GLMN: variants seen among roughly 807,000 people sequenced by gnomAD.
GLMN encodes the protein glomulin, FKBP associated protein, also known as glomulin.
In GLMN, 75 loss-of-function variants were observed where a neutral mutation model predicts 87.8. That is an observed-to-expected ratio of 0.85 (90% CI 0.71 to 1.04). The LOEUF (loss-of-function observed/expected upper bound fraction) is 1.04. GLMN is among the 50% of genes least tolerant of loss of function. The probability of loss-of-function intolerance (pLI) is 0.00; values close to 1 mark genes in which losing one functional copy is unlikely to be tolerated. For synonymous variants in GLMN, 206 were observed against 221.6 expected, an observed-to-expected ratio of 0.93 and a Z score of 0.63; for missense variants, 588 against 658.8, an observed-to-expected ratio of 0.89 and a Z score of 1.18.
chr1:92,259,717 TTC>T, intron 16 of GLMN, among the ~76,000 whole-genome samples: 1 of 146,350 alleles, frequency 6.8e-6, no homozygotes, highest in East Asian at 2.2e-4. Flanking sequence ...ATTTTGTTTT[TTC>T]TTTTTTTTCT....
At chr1:92,305,809 G>A in the GLMN span, among the ~76,000 whole-genome samples, 14 of 152,278 alleles carry the variant, frequency 9.2e-5, no homozygotes, top group South Asian at 2.7e-3. Flanking sequence ...ACAAAATTGC[G>A]AATGTTAGGA....
chr1:92,296,404 C>T (rs1650058575), intron 3 of GLMN, among the ~76,000 whole-genome samples: 2 of 152,170 alleles, frequency 1.3e-5, no homozygotes, highest in Admixed American at 6.5e-5. Flanking sequence ...TGGCGGAAGG[C>T]ACCTCTTCAC....
At chr1:92,359,567 G>A in the GLMN span, among the ~76,000 whole-genome samples, 2 of 152,266 alleles carry the variant, frequency 1.3e-5, no homozygotes, top group East Asian at 3.9e-4. Context: ...TGATTCACCC[G>A]CCTTGGCCTC....
At chr1:92,298,992 C>T, upstream of GLMN, 1 of 663,100 alleles carries the variant, frequency 1.5e-6, no homozygotes, top group South Asian at 2.3e-5. Flanking sequence ...TCTTCTGGCC[C>T]CGCCCCGCGC....
chr1:92,359,733 G>A, the GLMN span, among the ~76,000 whole-genome samples: 7 of 152,362 alleles, frequency 4.6e-5, no homozygotes, highest in South Asian at 1.4e-3. Flanking sequence ...TGTGGAACTA[G>A]AGCTGAAGAA....
chr1:92,267,572 C>A (rs1050715963), intron 11 of GLMN, among the ~76,000 whole-genome samples: 2 of 151,672 alleles, frequency 1.3e-5, no homozygotes, highest in African/African-American at 2.4e-5. Flanking sequence ...GGTGTGGTGG[C>A]GGGCGCCTGT....
the GLMN span, among the ~76,000 whole-genome samples, chr1:92,355,392 T>C: frequency 1.3e-5 from 2 of 152,254 alleles, no homozygotes; most frequent in South Asian, 4.1e-4. Flanking sequence ...CTAATTCAAG[T>C]ATGAGGTGTA....
At chr1:92,316,088 A>G in the GLMN span, among the ~76,000 whole-genome samples, 5 of 152,224 alleles carry the variant, frequency 3.3e-5, no homozygotes, top group African/African-American at 1.2e-4. Context: ...AGTCTCCTGC[A>G]TTGTAATCTA....
intron 1 of GLMN, 81 bp downstream of exon 1, chr1:92,298,844 G>A (rs1650509676): frequency 2.5e-6 from 1 of 395,432 alleles, no homozygotes; most frequent in African/African-American, 2.1e-5. Context: ...TGGCCTAGTC[G>A]GCCCGCAGCA....
Position 92,269,749 on chromosome 1 carries a change from C to A in GLMN, c.951G>T (p.Met317Ile). ...LSPLYLLQFN[M>I]GHIEVFLQRT... The stretch of plus-strand genomic sequence containing the variant: ...TTTGCAAAAAGACTTCAATGTGCCC[C>A]ATATTAAACTGCAAAAGGTACAATG... The change falls in exon 9 of 19, where the codon ATG (methionine) becomes ATT (isoleucine). Residue 317 changes from methionine to isoleucine, a missense_variant. Met to Ile is a conservative substitution (Grantham distance 10). Coordinates refer to ENST00000370360, the MANE Select transcript of GLMN (RefSeq NM_053274.3). 1.2e-5 allele frequency: 20 copies of A among 1,608,228 alleles called. No individual in the cohort carries two copies. The highest frequency in any genetic ancestry group is 1.6e-5 in the Non-Finnish European group (19 of 1,174,888).
the GLMN span, chr1:92,324,027 T>G: frequency 6.2e-7 from 1 of 1,613,934 alleles, no homozygotes; most frequent in Non-Finnish European, 8.5e-7. Context: ...TACTTAAAGT[T>G]TTGAAGGAGA....
At position 92,289,152 on chromosome 1, in the gene GLMN, C is replaced by G; in HGVS notation, c.395-1G>C. 1 of 1,527,826 alleles carries G rather than the reference C, an allele frequency of 6.5e-7. No individual in the cohort carries two copies. Among genetic ancestry groups the G allele is most frequent in the Non-Finnish European group, 9.1e-7 (1 of 1,101,450 alleles). The allele number at this position is 1,527,826 out of a possible 1,614,324, so 94.6% of individuals were successfully genotyped here. On this transcript the variant is annotated splice_acceptor_variant, in intron 5 of 18. Coordinates refer to ENST00000370360, the MANE Select transcript of GLMN (RefSeq NM_053274.3). LOFTEE classifies it high-confidence loss of function. ...GCCTTGTTATGAAGTTTCTGAATCA[C>G]TAAAACAGAGATCAAGTTGTCGCTC...
At chr1:92,270,893 G>A (rs989052828) in intron 8 of GLMN, among the ~76,000 whole-genome samples, 4 of 152,122 alleles carry the variant, frequency 2.6e-5, no homozygotes, top group African/African-American at 9.7e-5. Context: ...TGTCACTGGA[G>A]CATAGTAAAC....
intron 7 of GLMN, among the ~76,000 whole-genome samples, chr1:92,285,233 G>T (rs1242480140): frequency 6.6e-6 from 1 of 152,178 alleles, no homozygotes; most frequent in Non-Finnish European, 1.5e-5. Context: ...ATCAATGATA[G>T]ACTAGATTAA....
In GLMN at chr1:92,262,939, AAT is replaced by A. The variant is rs555041177; in HGVS notation, c.1410-15_1410-14del. ...TGAAGCCATAATCCTGTTAATTAAA[AAT>A]ATATGTTACTTACAGTATGGTTTTA... is the stretch of plus-strand genomic sequence containing the variant. On this transcript the variant is annotated splice_polypyrimidine_tract_variant and intron_variant, in intron 15 of 18. Transcript: ENST00000370360. 865 of 959,728 alleles carry A rather than the reference AAT, an allele frequency of 9.0e-4. 3 individuals carry two copies. The highest frequency in any genetic ancestry group is 5.6e-3 in the African/African-American group (353 of 63,046). The allele number at this position is 959,728 out of a possible 1,614,324, so 59.5% of individuals were successfully genotyped here.
At chr1:92,262,361 C>G (rs1291343026) in intron 16 of GLMN, among the ~76,000 whole-genome samples, 2 of 152,252 alleles carry the variant, frequency 1.3e-5, no homozygotes, top group East Asian at 3.9e-4. Context: ...GAATACTTCT[C>G]TATTTATTGA....
intron 16 of GLMN, among the ~76,000 whole-genome samples, chr1:92,257,719 T>C (rs1417245075): frequency 6.6e-6 from 1 of 152,206 alleles, no homozygotes; most frequent in Non-Finnish European, 1.5e-5. Flanking sequence ...ATTGGACTCC[T>C]TCCTTACCCC....
At chr1:92,348,200 A>G in the GLMN span, among the ~76,000 whole-genome samples, 59 of 152,298 alleles carry the variant, frequency 3.9e-4, no homozygotes, top group East Asian at 0.011. Flanking sequence ...AGGGCACTCA[A>G]TCTTGAAATT....
the GLMN span, among the ~76,000 whole-genome samples, chr1:92,307,473 GTTAT>G: frequency 6.6e-6 from 1 of 152,138 alleles, no homozygotes; most frequent in East Asian, 1.9e-4. Flanking sequence ...ACATACAAAT[GTTAT>G]TTGTTTGTTG....
Sources: gnomAD v4.1 joint callset for allele counts (sites outside exome capture counted in the v4.1 genomes callset) on GRCh38, gnomAD v4.1.1 for gene constraint, MANE v1.5 for transcripts, NCBI Gene and HGNC (gene_info 2026-07-23, HGNC 2026-07-21) for gene names.